Variants in ATRNL1 observed in about 807,000 individuals in gnomAD.
ATRNL1 encodes attractin like 1.
A neutral mutation model predicts 182.7 loss-of-function variants in ATRNL1; 95 were observed. The ratio of observed to expected loss-of-function variants is 0.52; its 90% CI spans 0.44 to 0.62. The LOEUF is 0.62. Among genes scored for constraint, ATRNL1 ranks in the 20% least tolerant of loss-of-function variants. ATRNL1 has a pLI of 0.00. For synonymous variants in ATRNL1, 576 were observed against 568.3 expected (o/e 1.01, Z -0.19); for missense variants, 1,471 against 1,679.5 (o/e 0.88, Z 2.17).
chr10:115,842,062 A>G (rs980041449), intron 27 of ATRNL1, among the ~76,000 whole-genome samples: 10 of 152,098 alleles, frequency 6.6e-5, no homozygotes, highest in Non-Finnish European at 1.2e-4. Context: ...TAGCATTAGA[A>G]GTATTTTAGT....
chr10:115,104,494 C>T (rs778559204), intron 1 of ATRNL1, among the ~76,000 whole-genome samples: 1 of 152,002 alleles, frequency 6.6e-6, no homozygotes, highest in Non-Finnish European at 1.5e-5. Context: ...TTCTGTGGAT[C>T]GTCTCTTCAT....
intron 10 of ATRNL1, among the ~76,000 whole-genome samples, chr10:115,263,361 A>T (rs1484345902): frequency 1.3e-5 from 2 of 151,810 alleles, no homozygotes; most frequent in Non-Finnish European, 3.0e-5. Flanking sequence ...ACAAGGGTTG[A>T]CGAGGATGTG....
intron 24 of ATRNL1, among the ~76,000 whole-genome samples, chr10:115,518,335 A>G (rs1378446500): frequency 6.6e-6 from 1 of 151,874 alleles, no homozygotes; most frequent in Non-Finnish European, 1.5e-5. Context: ...AAATTCTATT[A>G]TGTTTTTGCA....
intron 19 of ATRNL1, among the ~76,000 whole-genome samples, chr10:115,357,145 G>A (rs1422031072): frequency 2.0e-5 from 3 of 151,792 alleles, no homozygotes; most frequent in Non-Finnish European, 3.0e-5. Context: ...TAATAAAAAT[G>A]GTTCTTATGC....
intron 27 of ATRNL1, among the ~76,000 whole-genome samples, chr10:115,795,010 C>G (rs1448645737): frequency 6.6e-6 from 1 of 152,030 alleles, no homozygotes; most frequent in African/African-American, 2.4e-5. Flanking sequence ...TTTGAAAAGT[C>G]TCTATATTCT....
At chr10:115,793,780 A>G (rs571612351) in intron 27 of ATRNL1, among the ~76,000 whole-genome samples, 66 of 152,286 alleles carry the variant, frequency 4.3e-4, no homozygotes, top group African/African-American at 1.6e-3. Context: ...GGTGCAAATG[A>G]GGAATGACTG....
intron 15 of ATRNL1, among the ~76,000 whole-genome samples, chr10:115,297,312 T>A (rs1350869241): frequency 1.3e-5 from 2 of 152,180 alleles, no homozygotes; most frequent in Non-Finnish European, 2.9e-5. Flanking sequence ...ATTCTTGTGA[T>A]GCCAGGAGCT....
intron 19 of ATRNL1, among the ~76,000 whole-genome samples, chr10:115,350,334 C>CACA (rs1856176830): frequency 1.0e-4 from 3 of 29,734 alleles, no homozygotes; most frequent in African/African-American, 5.3e-4. Flanking sequence ...GACTCTGTCT[C>CACA]AAAAAAAAAA....
At position 115,376,977 on chromosome 10, in the gene ATRNL1, G is replaced by C. The variant is rs368772593; in HGVS notation, c.3176-17682G>C. Among the ~76,000 whole-genome samples the C allele has an allele frequency of 1.2e-4, 18 of 151,934 alleles. 1 individual carries two copies. The highest frequency in any genetic ancestry group is 7.7e-4 in the East Asian group (4 of 5,182). ...CTGAGTTTGCTAATTTTTTTCTTGT[G>C]TATGATTGAGTCTGCTGTTTAAACT... is the stretch of plus-strand genomic sequence containing the variant. On this transcript the variant is annotated intron_variant, in intron 19 of 28. Transcript: ENST00000355044.
At chr10:115,496,652 T>A (rs1304032466) in intron 24 of ATRNL1, among the ~76,000 whole-genome samples, 1 of 152,204 alleles carries the variant, frequency 6.6e-6, no homozygotes, top group Non-Finnish European at 1.5e-5. Flanking sequence ...TAAACTTTCC[T>A]CTTAAGTTTG....
At chr10:115,681,198 T>C (rs1555044648) in intron 26 of ATRNL1, among the ~76,000 whole-genome samples, 1 of 152,158 alleles carries the variant, frequency 6.6e-6, no homozygotes, top group African/African-American at 2.4e-5. Context: ...TGTCAATTAA[T>C]AGGATTATTA....
At chr10:115,398,930 A>T (rs1844419332) in intron 20 of ATRNL1, among the ~76,000 whole-genome samples, 1 of 151,916 alleles carries the variant, frequency 6.6e-6, no homozygotes, top group Admixed American at 6.6e-5. Flanking sequence ...GTTGAATTTT[A>T]TAGAAACCCC....
chr10:115,565,077 A>G (rs1853996784), intron 26 of ATRNL1, among the ~76,000 whole-genome samples: 1 of 151,964 alleles, frequency 6.6e-6, no homozygotes, highest in African/African-American at 2.4e-5. Flanking sequence ...ATATTCTTTT[A>G]GAGAGATATT....
chr10:115,415,112 G>A (rs1378137778), intron 20 of ATRNL1, among the ~76,000 whole-genome samples: 1 of 151,910 alleles, frequency 6.6e-6, no homozygotes, highest in Non-Finnish European at 1.5e-5. Flanking sequence ...TTTAGATATT[G>A]TCAAGTTGTC....
intron 27 of ATRNL1, among the ~76,000 whole-genome samples, chr10:115,728,298 CAAAAAAAAAAAAA>C (rs58437496): frequency 3.4e-5 from 2 of 58,780 alleles, no homozygotes; most frequent in East Asian, 5.8e-4. Context: ...GACTCCGCCT[CAAAAAAAAAAAAA>C]AAAAAAAAAA....
At chr10:115,722,423 A>G (rs1947458446) in intron 26 of ATRNL1, among the ~76,000 whole-genome samples, 1 of 152,182 alleles carries the variant, frequency 6.6e-6, no homozygotes, top group South Asian at 2.1e-4. Flanking sequence ...TGCCTTGAAG[A>G]TTTAGTTATA....
At chr10:115,587,428 C>A (rs1355160584) in intron 26 of ATRNL1, among the ~76,000 whole-genome samples, 1 of 151,816 alleles carries the variant, frequency 6.6e-6, no homozygotes, top group Non-Finnish European at 1.5e-5. Context: ...GGGCATAGGA[C>A]CCTCCCAGCC....
chr10:115,479,202 A>G (rs1848656537), intron 24 of ATRNL1, among the ~76,000 whole-genome samples: 1 of 151,620 alleles, frequency 6.6e-6, no homozygotes. Flanking sequence ...AATTTTTGAT[A>G]ACTAATTAGA....
intron 17 of ATRNL1, among the ~76,000 whole-genome samples, chr10:115,302,853 T>C (rs1379265527): frequency 7.3e-6 from 1 of 137,510 alleles, no homozygotes; most frequent in African/African-American, 3.6e-5. Context: ...AAACTCTTTC[T>C]GCTTGGGAGA....
Sources: allele counts gnomAD v4.1 joint callset (sites outside exome capture counted in the v4.1 genomes callset), GRCh38; gene constraint gnomAD v4.1.1; transcripts MANE v1.5; gene names NCBI Gene and HGNC (gene_info 2026-07-23, HGNC 2026-07-21).